The following PACC1 variants were observed in gnomAD, a reference collection of about 807,000 sequenced individuals.
PACC1 encodes the protein proton-activated chloride channel.
Under a neutral mutation model 39.7 loss-of-function variants are expected in PACC1, and 34 were observed. That is an observed-to-expected ratio of 0.86 (90% CI 0.65 to 1.14). The LOEUF (loss-of-function observed/expected upper bound fraction) is 1.14, where lower values mean the gene tolerates loss of function less well. PACC1 is among the 50% of genes most tolerant of loss of function. The pLI, the probability that PACC1 is intolerant of heterozygous loss-of-function variation, is 0.00. For synonymous variants in PACC1, 127 were observed against 160.6 expected, an observed-to-expected ratio of 0.79 and a Z score of 1.58; for missense variants, 379 against 436.4, an observed-to-expected ratio of 0.87 and a Z score of 1.17.
chr1:212,394,248 T>A (rs973769767), intron 2 of PACC1, among the ~76,000 whole-genome samples: 1 of 152,196 alleles, frequency 6.6e-6, no homozygotes, highest in African/African-American at 2.4e-5. Context: ...CATGATCAAG[T>A]GGGCTTCATC....
intron 7 of PACC1, 53 bp from the exon 8 acceptor site, chr1:212,365,429 CTTTTTTT>C (rs879161931): frequency 2.2e-5 from 22 of 978,020 alleles, no homozygotes; most frequent in Admixed American, 7.5e-5. Context: ...AGTCTTGATT[CTTTTTTT>C]TTTTTTTTTT....
chr1:212,387,180 T>C (rs1571653445), intron 2 of PACC1, 80 bp from the exon 3 acceptor site: 2 of 1,444,594 alleles, frequency 1.4e-6, no homozygotes, highest in East Asian at 2.4e-5. Flanking sequence ...TCCAGGCCCT[T>C]GCCTGCCTCA....
intron 2 of PACC1, among the ~76,000 whole-genome samples, chr1:212,392,234 C>T (rs1434610135): frequency 6.6e-6 from 1 of 152,366 alleles, no homozygotes; most frequent in East Asian, 1.9e-4. Flanking sequence ...ATCAGACTAA[C>T]AGCTGATCTC....
At chr1:212,385,546 A>G in intron 3 of PACC1, 121 bp from the exon 4 acceptor site, 1 of 1,080,230 alleles carries the variant, frequency 9.3e-7, no homozygotes. Context: ...CAGGGAAGGG[A>G]GAAGAAAAGG....
At position 212,364,917 on chromosome 1, in the gene PACC1, C is replaced by G; in HGVS notation, c.*298G>C. 5.5e-6 allele frequency: 1 copy of G among 181,518 alleles called. No homozygotes were observed. Among genetic ancestry groups the G allele is most frequent in the Non-Finnish European group, 1.1e-5 (1 of 88,222 alleles). 11.2% of individuals were successfully genotyped at this position (181,518 alleles called of 1,614,324 possible). A position where few individuals can be genotyped will look rare whatever the true frequency, so the allele number is the denominator to read the frequency against. On this transcript the variant is annotated 3_prime_UTR_variant, in exon 8 of 8. Transcript: ENST00000261455. ...ACCTAATACAATACAATGAACCAAA[C>G]AGGAAGAAAGGCATCTTCTACAAAC...
chr1:212,366,204 G>C (rs1660237136), intron 7 of PACC1, among the ~76,000 whole-genome samples: 1 of 151,996 alleles, frequency 6.6e-6, no homozygotes, highest in South Asian at 2.1e-4. Flanking sequence ...TAAAACAATA[G>C]GATTGTTCTC....
intron 7 of PACC1, among the ~76,000 whole-genome samples, chr1:212,373,020 G>A (rs145986919): frequency 1.3e-3 from 192 of 152,176 alleles, no homozygotes; most frequent in African/African-American, 4.2e-3. Context: ...AATTTTGTAT[G>A]GAACTACAAA....
At chr1:212,414,136 G>A in intron 1 of PACC1, 3 of 1,469,886 alleles carry the variant, frequency 2.0e-6, no homozygotes, top group Non-Finnish European at 2.7e-6. Flanking sequence ...AGTCGTGGGA[G>A]GAGGTGAGAC....
At chr1:212,381,412 T>C (rs1571643947) in intron 4 of PACC1, among the ~76,000 whole-genome samples, 1 of 152,330 alleles carries the variant, frequency 6.6e-6, no homozygotes. Flanking sequence ...TCAACCTTTC[T>C]GTACCATTTT....
At chr1:212,380,961 C>T (rs187428137) in intron 4 of PACC1, among the ~76,000 whole-genome samples, 11 of 152,342 alleles carry the variant, frequency 7.2e-5, no homozygotes, top group Non-Finnish European at 1.3e-4. Context: ...ATGTCTTTTA[C>T]ATCAACTTTT....
chr1:212,390,891 G>A (rs935908763), intron 2 of PACC1, among the ~76,000 whole-genome samples: 2 of 152,234 alleles, frequency 1.3e-5, no homozygotes, highest in African/African-American at 4.8e-5. Flanking sequence ...GTGAGGCTGG[G>A]GGAGGGGCAC....
At chr1:212,371,248 AAAAAAAAAAAAG>A (rs1316940398) in intron 7 of PACC1, among the ~76,000 whole-genome samples, 1 of 148,894 alleles carries the variant, frequency 6.7e-6, no homozygotes, top group African/African-American at 2.6e-5. Flanking sequence ...TTTCAAAAAA[AAAAAAAAAAAAG>A]AAAGAAAAGT....
At chr1:212,414,132 G>T in intron 1 of PACC1, 1 of 1,472,812 alleles carries the variant, frequency 6.8e-7, no homozygotes, top group South Asian at 1.3e-5. Flanking sequence ...ATAAAGTCGT[G>T]GGAGGAGGTG....
At position 212,377,661 on chromosome 1, in the gene PACC1, G is replaced by A. The variant is rs765097995; in HGVS notation, c.684C>T (p.Ser228=). ...GGAAGCCCCCAGAGAACTTCCAGCTGGAATAGGCACTCTCACAGGCCTGCA... is the reference window on the plus strand; with the variant it reads ...GGAAGCCCCCAGAGAACTTCCAGCTAGAATAGGCACTCTCACAGGCCTGCA... The part of the protein sequence containing the change: ...GFMQACESAY[S]SWKFSGGFRT... The change falls in exon 6 of 8, where the codon TCC becomes TCT. Residue 228 remains serine (S), a synonymous_variant. Coordinates refer to ENST00000261455, the MANE Select transcript of PACC1 (RefSeq NM_018252.3). The A allele has an allele frequency of 6.2e-7, 1 of 1,614,062 alleles. No individual in the cohort carries two copies.
At chr1:212,406,501 G>C (rs993243116) in intron 2 of PACC1, among the ~76,000 whole-genome samples, 4 of 152,090 alleles carry the variant, frequency 2.6e-5, no homozygotes, top group Admixed American at 1.3e-4. Flanking sequence ...AGTTGACACA[G>C]GGAGACTGTC....
intron 2 of PACC1, among the ~76,000 whole-genome samples, chr1:212,406,985 C>A (rs1401215154): frequency 6.6e-6 from 1 of 152,262 alleles, no homozygotes; most frequent in East Asian, 1.9e-4. Flanking sequence ...GAGGGTAGTG[C>A]AAGGTGTGGT....
chr1:212,375,743 G>A (rs1322673509), intron 6 of PACC1, among the ~76,000 whole-genome samples: 1 of 152,210 alleles, frequency 6.6e-6, no homozygotes, highest in East Asian at 1.9e-4. Context: ...AAATTAGCCA[G>A]GTGTAGTGGT....
At position 212,377,677 on chromosome 1, in the gene PACC1, C is replaced by G. The variant is rs750549003; in HGVS notation, c.668G>C (p.Cys223Ser). The change falls in exon 6 of 8, where the codon TGT becomes TCT. Residue 223 changes from cysteine to serine, a missense_variant. Physicochemically the swap from Cys to Ser is moderately radical, Grantham distance 112 (BLOSUM62 -1). Coordinates refer to ENST00000261455, the MANE Select transcript of PACC1 (RefSeq NM_018252.3). The part of the protein sequence containing the change: ...SPNRVGFMQA[C>S]ESAYSSWKFS... ...CTTCCAGCTGGAATAGGCACTCTCA[C>G]AGGCCTGCATGAAGCCTACCCTGTT... 3.1e-6 allele frequency: 5 copies of G among 1,614,216 alleles called. No individual in the cohort carries two copies. Among genetic ancestry groups the G allele is most frequent in the Non-Finnish European group, 4.2e-6 (5 of 1,180,024 alleles).
At chr1:212,388,251 G>A (rs1661177831) in intron 2 of PACC1, among the ~76,000 whole-genome samples, 1 of 151,888 alleles carries the variant, frequency 6.6e-6, no homozygotes, top group Non-Finnish European at 1.5e-5. Context: ...GCAGGGATGG[G>A]GCCAGTCTTA....
Sources: allele counts gnomAD v4.1 joint callset (sites outside exome capture counted in the v4.1 genomes callset), GRCh38; gene constraint gnomAD v4.1.1; transcripts MANE v1.5; gene names NCBI Gene and HGNC (gene_info 2026-07-23, HGNC 2026-07-21).